Variants in ZNF26 observed in about 807,000 individuals in gnomAD.
The protein encoded by ZNF26 is zinc finger protein 26.
A neutral mutation model predicts 54.9 loss-of-function variants in ZNF26; 32 were observed. That is an observed-to-expected ratio of 0.58 (90% CI 0.44 to 0.78). ZNF26 has a LOEUF of 0.78. Ranked by LOEUF, ZNF26 falls within the 30% of genes least tolerant of loss-of-function variation. The pLI, the probability that ZNF26 is intolerant of heterozygous loss-of-function variation, is 0.00. For missense variants in ZNF26, 524 were observed against 634.0 expected (o/e 0.83, Z 1.86); for synonymous variants, 221 against 209.2 (o/e 1.06, Z -0.49).
rs1953532479 is a variant in ZNF26 at position 133,014,355 on chromosome 12, G to T, written c.*2874G>T. On this transcript the variant is annotated 3_prime_UTR_variant, in exon 4 of 4. Transcript: ENST00000328654. ...TTGAGCCCAGGAGGTCAAGGATGCA[G>T]TGAGCTGCACTGTACTCCAGTCTGG... The T allele has an allele frequency of 6.6e-6, 1 of 152,554 alleles. No individual in the cohort carries two copies. Among genetic ancestry groups the T allele is most frequent in the Non-Finnish European group, 1.5e-5 (1 of 68,302 alleles). The allele number at this position is 152,554 out of a possible 1,614,324, so 9.5% of individuals were successfully genotyped here.
Position 133,012,578 on chromosome 12 carries a change from G to GTTTTTTTTTTTTTTTTGTTTTTTT in ZNF26, c.*1113_*1114insGTTTTTTTTTTTTTTTTTTTTTTT, listed in dbSNP as rs1953501752. The GTTTTTTTTTTTTTTTTGTTTTTTT allele has an allele frequency of 2.7e-5, 1 of 37,652 alleles. No individual in the cohort carries two copies. Among genetic ancestry groups the GTTTTTTTTTTTTTTTTGTTTTTTT allele is most frequent in the Non-Finnish European group, 4.8e-5 (1 of 20,650 alleles). 2.3% of individuals were successfully genotyped at this position (37,652 alleles called of 1,614,324 possible). On this transcript the variant is annotated 3_prime_UTR_variant, in exon 4 of 4. Transcript: ENST00000328654. ...ATGTCTTTTGCTTTTTGTTGTTTGG[G>GTTTTTTTTTTTTTTTTGTTTTTTT]TTTTTTTTTTTTTTTTTTTTTTTTT...
chr12:132,987,166 TCTTATGGAGACCCTTAGAA>T (rs1952840701), intron 1 of ZNF26, among the ~76,000 whole-genome samples: 2 of 152,208 alleles, frequency 1.3e-5, no homozygotes, highest in Non-Finnish European at 2.9e-5. Flanking sequence ...CACAAAGTTG[TCTTATGGAGACCCTTAGAA>T]CTTAGCTGGA....
chr12:132,988,460 C>A (rs959567746), intron 1 of ZNF26, among the ~76,000 whole-genome samples: 1 of 150,922 alleles, frequency 6.6e-6, no homozygotes, highest in African/African-American at 2.4e-5. Context: ...CCCTGGCTGG[C>A]CTGCAACTCT....
intron 1 of ZNF26, among the ~76,000 whole-genome samples, chr12:132,991,556 G>A (rs1035870957): frequency 6.6e-6 from 1 of 151,784 alleles, no homozygotes; most frequent in Non-Finnish European, 1.5e-5. Context: ...CAGCACTTTG[G>A]GAGACTGAAG....
intron 1 of ZNF26, chr12:133,005,214 T>G (rs893102661): frequency 1.7e-4 from 26 of 152,302 alleles, no homozygotes; most frequent in African/African-American, 5.5e-4. Flanking sequence ...TATTTATTTA[T>G]TTTTTTGAGA....
chr12:133,003,261 T>C (rs1356848682), intron 1 of ZNF26, among the ~76,000 whole-genome samples: 2 of 150,448 alleles, frequency 1.3e-5, no homozygotes, highest in Admixed American at 6.6e-5. Flanking sequence ...CCTTTTCTTT[T>C]TTTTTTTTTT....
In ZNF26 at chr12:133,001,816, T is replaced by G. The variant is rs1953225261; in HGVS notation, c.34-5226T>G. Reference sequence around the variant, plus strand: ...CTGCCTTTTGAGAGTCCCGCGGCAGTCTTTGCCTTCAGAATTTTTCAGAGG... The same window carrying G: ...CTGCCTTTTGAGAGTCCCGCGGCAGGCTTTGCCTTCAGAATTTTTCAGAGG... On this transcript the variant is annotated intron_variant, in intron 1 of 3. Transcript: ENST00000328654. The surrounding 1 kb of genome is among the most constrained non-coding windows in gnomAD (Gnocchi z 4.7). The G allele has an allele frequency of 7.3e-6, 5 of 682,892 alleles. No homozygotes were observed. Among genetic ancestry groups the G allele is most frequent in the Non-Finnish European group, 1.1e-5 (5 of 450,692 alleles). 42.3% of individuals were successfully genotyped at this position (682,892 alleles called of 1,614,324 possible). A position where few individuals can be genotyped will look rare whatever the true frequency, so the allele number is the denominator to read the frequency against.
At position 133,026,545 on chromosome 12, in the gene ZNF26, G is replaced by C; in HGVS notation, c.*15064G>C. On this transcript the variant is annotated 3_prime_UTR_variant, in exon 4 of 4. Transcript: ENST00000328654. Reference sequence around the variant, plus strand: ...TTTTTTTTTTTTTTTTTTTTTTTTTGATACAGAGTCTCGTTCTGTCACCCA... The same window carrying C: ...TTTTTTTTTTTTTTTTTTTTTTTTTCATACAGAGTCTCGTTCTGTCACCCA... 1 of 57,020 alleles carries C rather than the reference G, an allele frequency of 1.8e-5. No individual in the cohort carries two copies. The highest frequency in any genetic ancestry group is 4.9e-4 in the South Asian group (1 of 2,026). The allele number at this position is 57,020 out of a possible 1,614,324, so 3.5% of individuals were successfully genotyped here.
rs1167232845 is a variant in ZNF26, at chr12:132,986,787, T to G, written c.-54T>G. On this transcript the variant is annotated 5_prime_UTR_variant, in exon 1 of 4. Coordinates refer to ENST00000328654, the MANE Select transcript of ZNF26 (RefSeq NM_019591.4). ...GGGCGGACGCATCCCTCACGGTCTC[T>G]CCGCAGCCCGCGGGTCCTGCCCCCG... is the stretch of plus-strand genomic sequence containing the variant. 4 of 1,561,152 alleles carry G rather than the reference T, an allele frequency of 2.6e-6. No homozygotes were observed. The highest frequency in any genetic ancestry group is 4.7e-5 in the East Asian group (2 of 42,340).
In ZNF26 at chr12:133,013,863, A is replaced by G. The variant is rs1953527778; in HGVS notation, c.*2382A>G. ...TAAGGCTATAGAGTAGATGTTGGCA[A>G]TATATAAAATTCAAACTTGAGTGTC... On this transcript the variant is annotated 3_prime_UTR_variant, in exon 4 of 4. Transcript: ENST00000328654. 1 of 152,784 alleles carries G rather than the reference A, an allele frequency of 6.5e-6. No homozygotes were observed. Among genetic ancestry groups the G allele is most frequent in the Non-Finnish European group, 1.5e-5 (1 of 68,296 alleles). The allele number at this position is 152,784 out of a possible 1,614,324, so 9.5% of individuals were successfully genotyped here.
intron 1 of ZNF26, among the ~76,000 whole-genome samples, chr12:133,004,092 T>G (rs1026243392): frequency 2.0e-5 from 3 of 152,232 alleles, no homozygotes; most frequent in Non-Finnish European, 2.9e-5. Flanking sequence ...AGTTTTGTTT[T>G]CAGTATGTTT....
In ZNF26 at chr12:133,015,769, G is replaced by C. The variant is rs887539027; in HGVS notation, c.*4288G>C. 5.3e-5 allele frequency: 8 copies of C among 152,248 alleles called. No individual in the cohort carries two copies. Among genetic ancestry groups the C allele is most frequent in the African/African-American group, 1.9e-4 (8 of 41,470 alleles). The allele number at this position is 152,248 out of a possible 1,614,324, so 9.4% of individuals were successfully genotyped here. Reference sequence around the variant, plus strand: ...TAGAGGGCATAGGAGTTCCCAAAGAGGAAAGTCCAGTCTGAGATCAGGCTG... The same window carrying C: ...TAGAGGGCATAGGAGTTCCCAAAGACGAAAGTCCAGTCTGAGATCAGGCTG... On this transcript the variant is annotated 3_prime_UTR_variant, in exon 4 of 4. Coordinates refer to ENST00000328654, the MANE Select transcript of ZNF26 (RefSeq NM_019591.4).
At position 133,011,372 on chromosome 12, in the gene ZNF26, G is replaced by A; in HGVS notation, c.1493G>A (p.Ser498Asn). The change falls in exon 4 of 4, where the codon AGT (serine) becomes AAT (asparagine). Residue 498 changes from serine to asparagine, a missense_variant. Ser to Asn is a conservative substitution (Grantham distance 46). Coordinates refer to ENST00000328654, the MANE Select transcript of ZNF26 (RefSeq NM_019591.4). ...GCCTTCACTCAGAAGTCATCTCTCA[G>A]TGAACATCAGAGAGTTCACACCGGA... Reference protein sequence around the residue: ...GKAFTQKSSLSEHQRVHTGEK... With the variant: ...GKAFTQKSSLNEHQRVHTGEK... 6.2e-7 allele frequency: 1 copy of A among 1,613,590 alleles called. No homozygotes were observed. The highest frequency in any genetic ancestry group is 8.5e-7 in the Non-Finnish European group (1 of 1,179,776).
At position 132,986,641 on chromosome 12, in the gene ZNF26, C is replaced by T; in HGVS notation, c.-200C>T. 1 of 600,670 alleles carries T rather than the reference C, an allele frequency of 1.7e-6. No homozygotes were observed. The highest frequency in any genetic ancestry group is 3.0e-6 in the Non-Finnish European group (1 of 337,266). 37.2% of individuals were successfully genotyped at this position (600,670 alleles called of 1,614,324 possible). A position where few individuals can be genotyped will look rare whatever the true frequency, so the allele number is the denominator to read the frequency against. On this transcript the variant is annotated 5_prime_UTR_variant, in exon 1 of 4. Coordinates refer to ENST00000328654, the MANE Select transcript of ZNF26 (RefSeq NM_019591.4). ...TCCGTGCGACTCCTGGTACCCAGAC[C>T]GGGAGGTTGTCTAGTCACGCGCGGT...
At position 133,013,128 on chromosome 12, in the gene ZNF26, A is replaced by G. The variant is rs900767123; in HGVS notation, c.*1647A>G. ...GGAAACACTGAAGAATTATAGCATT[A>G]TAAGAATTTTAAATTTATGAGAAAA... On this transcript the variant is annotated 3_prime_UTR_variant, in exon 4 of 4. Coordinates refer to ENST00000328654, the MANE Select transcript of ZNF26 (RefSeq NM_019591.4). 5.9e-5 allele frequency: 9 copies of G among 152,230 alleles called. No individual in the cohort carries two copies. Among genetic ancestry groups the G allele is most frequent in the Non-Finnish European group, 7.3e-5 (5 of 68,044 alleles). 9.4% of individuals were successfully genotyped at this position (152,230 alleles called of 1,614,324 possible).
At chr12:132,988,674 C>T (rs1271100560) in intron 1 of ZNF26, among the ~76,000 whole-genome samples, 1 of 152,160 alleles carries the variant, frequency 6.6e-6, no homozygotes, top group Non-Finnish European at 1.5e-5. Context: ...AAATAACTTG[C>T]TGGGATTTTA....
chr12:133,025,121 A>T lies in ZNF26; in HGVS notation c.*13640A>T, dbSNP rs753736847. On this transcript the variant is annotated 3_prime_UTR_variant, in exon 4 of 4. Coordinates refer to ENST00000328654, the MANE Select transcript of ZNF26 (RefSeq NM_019591.4). ...GTCCAAGAAAGCAGAACCAAACCCTAATCACCGAACTGGTAATGGGTACCC... is the reference window on the plus strand; with the variant it reads ...GTCCAAGAAAGCAGAACCAAACCCTTATCACCGAACTGGTAATGGGTACCC... 1 of 152,104 alleles carries T rather than the reference A, an allele frequency of 6.6e-6. No individual in the cohort carries two copies. The highest frequency in any genetic ancestry group is 1.5e-5 in the Non-Finnish European group (1 of 68,034). 9.4% of individuals were successfully genotyped at this position (152,104 alleles called of 1,614,324 possible).
chr12:133,000,448 G>A (rs376869232), intron 1 of ZNF26, among the ~76,000 whole-genome samples: 2,579 of 119,668 alleles, frequency 0.022, 93 homozygotes, highest in African/African-American at 0.081. Context: ...TTTTTGAGAT[G>A]GAATCTCGCT....
In ZNF26 at chr12:132,986,589, T is replaced by G. The variant is rs937243316; in HGVS notation, c.-252T>G. ...CAGATCAGCCTCCTGCTCTCCCGAG[T>G]CAGGGCCACGGAAAGGCACAAATCC... On this transcript the variant is annotated 5_prime_UTR_variant, in exon 1 of 4. Coordinates refer to ENST00000328654, the MANE Select transcript of ZNF26 (RefSeq NM_019591.4). The G allele has an allele frequency of 1.7e-6, 1 of 575,750 alleles. No homozygotes were observed. The highest frequency in any genetic ancestry group is 3.1e-6 in the Non-Finnish European group (1 of 321,406). The allele number at this position is 575,750 out of a possible 1,614,324, so 35.7% of individuals were successfully genotyped here.
Sources: allele counts gnomAD v4.1 joint callset (sites outside exome capture counted in the v4.1 genomes callset), GRCh38; gene constraint gnomAD v4.1.1; non-coding constraint Gnocchi (gnomAD v3.1); transcripts MANE v1.5; gene names NCBI Gene and HGNC (gene_info 2026-07-23, HGNC 2026-07-21).